The following STK33 variants were observed in gnomAD, a reference collection of about 807,000 sequenced individuals.
STK33 encodes serine/threonine-protein kinase 33.
A neutral mutation model predicts 58.0 loss-of-function variants in STK33; 52 were observed. That is an observed-to-expected ratio of 0.90 (90% CI 0.72 to 1.13). STK33 has a LOEUF of 1.13. Ranked by LOEUF, STK33 falls within the 50% of genes most tolerant of loss-of-function variation. The probability of loss-of-function intolerance (pLI) is 0.00; values close to 1 mark genes in which losing one functional copy is unlikely to be tolerated. For synonymous variants in STK33, 215 were observed against 200.1 expected (o/e 1.07, Z -0.63); for missense variants, 630 against 604.2 (o/e 1.04, Z -0.45).
intron 1 of STK33, among the ~76,000 whole-genome samples, chr11:8,540,119 G>C (rs1955390863): frequency 6.6e-6 from 1 of 152,060 alleles, no homozygotes; most frequent in Admixed American, 6.5e-5. Flanking sequence ...CTCCCATGTT[G>C]ATTACCGCAT....
chr11:8,460,261 A>G (rs1947351623), intron 8 of STK33, among the ~76,000 whole-genome samples: 1 of 152,184 alleles, frequency 6.6e-6, no homozygotes, highest in South Asian at 2.1e-4. Flanking sequence ...AAAACAATAA[A>G]TTGAAACTGA....
the STK33 span, among the ~76,000 whole-genome samples, chr11:8,358,100 CAT>C: frequency 2.6e-5 from 4 of 152,210 alleles, no homozygotes; most frequent in Admixed American, 1.3e-4. Flanking sequence ...ACTCTGCCCA[CAT>C]GTCTTCTATT....
chr11:8,509,737 C>G (rs142071953), intron 1 of STK33, among the ~76,000 whole-genome samples: 1 of 152,158 alleles, frequency 6.6e-6, no homozygotes, highest in Admixed American at 6.5e-5. Flanking sequence ...TTAGCTCCCA[C>G]TTATAAGTGA....
intron 8 of STK33, among the ~76,000 whole-genome samples, chr11:8,458,651 G>T (rs937102961): frequency 6.6e-6 from 1 of 152,022 alleles, no homozygotes; most frequent in African/African-American, 2.4e-5. Flanking sequence ...GTTCATGTGG[G>T]GCCATATTAA....
the STK33 span, among the ~76,000 whole-genome samples, chr11:8,335,650 C>A: frequency 1.3e-5 from 2 of 152,176 alleles, no homozygotes; most frequent in Non-Finnish European, 2.9e-5. Context: ...ATGTGAGCCA[C>A]ACAGGTCACT....
At chr11:8,353,224 C>T in the STK33 span, among the ~76,000 whole-genome samples, 1 of 152,208 alleles carries the variant, frequency 6.6e-6, no homozygotes, top group African/African-American at 2.4e-5. Context: ...AGGGCTCACA[C>T]CCTTCCTGGG....
chr11:8,564,516 A>C (rs1957322948), intron 1 of STK33, among the ~76,000 whole-genome samples: 1 of 152,166 alleles, frequency 6.6e-6, no homozygotes, highest in African/African-American at 2.4e-5. Context: ...AAAGATATAG[A>C]AAGAGAACTT....
At chr11:8,416,874 G>T (rs938911450) in intron 14 of STK33, among the ~76,000 whole-genome samples, 1 of 152,138 alleles carries the variant, frequency 6.6e-6, no homozygotes, top group Non-Finnish European at 1.5e-5. Context: ...GTGGTATAGA[G>T]TCCAGGCTTT....
intron 1 of STK33, among the ~76,000 whole-genome samples, chr11:8,513,257 C>T (rs1952486935): frequency 6.6e-6 from 1 of 152,106 alleles, no homozygotes; most frequent in South Asian, 2.1e-4. Context: ...TGTCCCTGCT[C>T]ACCTAACATC....
intron 1 of STK33, among the ~76,000 whole-genome samples, chr11:8,492,538 C>G (rs562956191): frequency 1.3e-5 from 2 of 152,094 alleles, no homozygotes; most frequent in African/African-American, 4.8e-5. Flanking sequence ...GACAGATCAA[C>G]GAGACAGAAA....
At chr11:8,406,556 T>C (rs1193883646) in intron 15 of STK33, among the ~76,000 whole-genome samples, 1 of 152,194 alleles carries the variant, frequency 6.6e-6, no homozygotes, top group Non-Finnish European at 1.5e-5. Flanking sequence ...CTCAACAGCA[T>C]TTCATGGTTT....
chr11:8,423,203 A>T (rs1379627424), intron 14 of STK33, among the ~76,000 whole-genome samples: 1 of 151,250 alleles, frequency 6.6e-6, no homozygotes, highest in East Asian at 1.9e-4. Flanking sequence ...TTTTCAAAGA[A>T]CCAAATATTG....
At chr11:8,449,546 A>G (rs1945996313) in intron 11 of STK33, among the ~76,000 whole-genome samples, 1 of 147,194 alleles carries the variant, frequency 6.8e-6, no homozygotes, top group Non-Finnish European at 1.5e-5. Flanking sequence ...AAAACCAAAC[A>G]CCGCATGTTC....
At chr11:8,354,126 C>T in the STK33 span, among the ~76,000 whole-genome samples, 1 of 152,102 alleles carries the variant, frequency 6.6e-6, no homozygotes, top group African/African-American at 2.4e-5. Context: ...CAAGGTGAGC[C>T]GCCAAGATGA....
At chr11:8,362,908 T>C in the STK33 span, among the ~76,000 whole-genome samples, 26 of 26,150 alleles carry the variant, frequency 9.9e-4, no homozygotes, top group South Asian at 2.7e-3. Flanking sequence ...CTCTCTCCCT[T>C]CCTTCCTTCC....
chr11:8,587,074 T>C (rs1222859605), intron 1 of STK33, among the ~76,000 whole-genome samples: 3 of 152,142 alleles, frequency 2.0e-5, no homozygotes, highest in Admixed American at 2.0e-4. Flanking sequence ...CAGAATGGTG[T>C]CTGATGCACA....
intron 1 of STK33, among the ~76,000 whole-genome samples, chr11:8,574,817 T>C (rs1015240993): frequency 2.6e-5 from 4 of 151,944 alleles, no homozygotes; most frequent in African/African-American, 7.3e-5. Flanking sequence ...GCCAGGAGAA[T>C]TGCCTGAAGC....
intron 15 of STK33, among the ~76,000 whole-genome samples, chr11:8,406,317 C>T (rs1939203055): frequency 6.6e-6 from 1 of 152,118 alleles, no homozygotes; most frequent in African/African-American, 2.4e-5. Context: ...AGTCTTGCAA[C>T]TTTGTTCTTT....
chr11:8,353,295 T>C, the STK33 span, among the ~76,000 whole-genome samples: 1 of 152,176 alleles, frequency 6.6e-6, no homozygotes, highest in Non-Finnish European at 1.5e-5. Flanking sequence ...ACCCAGTCAA[T>C]AGCTTGGGTT....
Sources: gnomAD v4.1 joint callset for allele counts (sites outside exome capture counted in the v4.1 genomes callset) on GRCh38, gnomAD v4.1.1 for gene constraint, MANE v1.5 for transcripts, NCBI Gene and HGNC (gene_info 2026-07-23, HGNC 2026-07-21) for gene names.